The following SCCPDH variants were observed in gnomAD, a reference collection of about 807,000 sequenced individuals.
SCCPDH encodes saccharopine dehydrogenase-like oxidoreductase.
SCCPDH carries 34 observed loss-of-function variants against 51.5 expected under a neutral mutation model. The observed-to-expected ratio is 0.66, with a 90% confidence interval of 0.50 to 0.88. The LOEUF (loss-of-function observed/expected upper bound fraction) is 0.88, where lower values mean the gene tolerates loss of function less well. Ranked by LOEUF, SCCPDH falls within the 40% of genes least tolerant of loss-of-function variation. SCCPDH has a pLI of 0.00. For missense variants in SCCPDH, 464 were observed against 527.1 expected, an observed-to-expected ratio of 0.88 and a Z score of 1.17; for synonymous variants, 187 against 191.3, an observed-to-expected ratio of 0.98 and a Z score of 0.19.
intron 7 of SCCPDH, 31 bp downstream of exon 7, chr1:246,759,182 G>A: frequency 8.6e-7 from 1 of 1,166,228 alleles, no homozygotes; most frequent in Non-Finnish European, 1.3e-6. Flanking sequence ...TATCAATAAA[G>A]TGTGTGTTAC....
intron 3 of SCCPDH, among the ~76,000 whole-genome samples, chr1:246,738,937 C>G (rs996820024): frequency 6.6e-6 from 1 of 152,178 alleles, no homozygotes; most frequent in South Asian, 2.1e-4. Context: ...TGTAGCTTCT[C>G]CACATTTATG....
chr1:246,742,799 G>A lies in SCCPDH; in HGVS notation c.515-1277G>A, dbSNP rs561890804. 7.9e-5 allele frequency among the ~76,000 whole-genome samples: 12 copies of A among 152,160 alleles called. No homozygotes were observed. In the East Asian group the frequency reaches 2.1e-3, roughly 27 times the overall value. On this transcript the variant is annotated intron_variant, in intron 4 of 11. Coordinates refer to ENST00000366510, the MANE Select transcript of SCCPDH (RefSeq NM_016002.3). Reference sequence around the variant, plus strand: ...TTCATTTATCAGATTTTGAGAATTAGCCAGCCCATTATATTTTTCTTTTGC... The same window carrying A: ...TTCATTTATCAGATTTTGAGAATTAACCAGCCCATTATATTTTTCTTTTGC...
At chr1:246,760,470 G>A (rs1668996004) in intron 9 of SCCPDH, among the ~76,000 whole-genome samples, 1 of 152,112 alleles carries the variant, frequency 6.6e-6, no homozygotes, top group Non-Finnish European at 1.5e-5. Context: ...GGTAGTACAT[G>A]GCCCAGCTGG....
At chr1:246,761,047 CCTT>C (rs1156932690) in intron 9 of SCCPDH, among the ~76,000 whole-genome samples, 1 of 152,114 alleles carries the variant, frequency 6.6e-6, no homozygotes, top group African/African-American at 2.4e-5. Flanking sequence ...CCCATCCTGA[CCTT>C]CTTTCCTCCT....
intron 2 of SCCPDH, among the ~76,000 whole-genome samples, chr1:246,735,368 C>T (rs1429292012): frequency 6.6e-6 from 1 of 152,092 alleles, no homozygotes; most frequent in Non-Finnish European, 1.5e-5. Flanking sequence ...TTTCTTTTTC[C>T]TGGAAAATTT....
intron 2 of SCCPDH, 62 bp downstream of exon 2, chr1:246,727,066 C>A: frequency 7.9e-7 from 1 of 1,264,642 alleles, no homozygotes; most frequent in Non-Finnish European, 1.2e-6. Context: ...GCAAAATATT[C>A]CAGAGGAACA....
At chr1:246,740,440 T>G (rs1244693440) in intron 4 of SCCPDH, 139 bp downstream of exon 4, 5 of 622,438 alleles carry the variant, frequency 8.0e-6, no homozygotes, top group African/African-American at 1.8e-5. Context: ...ATGTTTTGTT[T>G]TTAATATAGC....
At chr1:246,728,040 A>AGAG (rs1553272197) in intron 2 of SCCPDH, among the ~76,000 whole-genome samples, 54,256 of 151,884 alleles carry the variant, frequency 0.36, 9,961 homozygotes, top group Middle Eastern at 0.43. Context: ...CTGGGGTCGT[A>AGAG]GTGGTGCTGA....
intron 10 of SCCPDH, 127 bp from the exon 11 acceptor site, chr1:246,765,931 C>T (rs1669081457): frequency 1.6e-6 from 1 of 643,862 alleles, no homozygotes; most frequent in Non-Finnish European, 2.8e-6. Flanking sequence ...GTTAAGTGAC[C>T]AGAGTATCTA....
At chr1:246,762,222 A>G (rs1669026709) in intron 9 of SCCPDH, among the ~76,000 whole-genome samples, 1 of 152,252 alleles carries the variant, frequency 6.6e-6, no homozygotes, top group Admixed American at 6.5e-5. Context: ...ATTCATATCC[A>G]GAAAATATAG....
Position 246,744,071 on chromosome 1 carries a change from T to C in SCCPDH, c.515-5T>C. The C allele has an allele frequency of 6.3e-7, 1 of 1,577,582 alleles. No homozygotes were observed. The highest frequency in any genetic ancestry group is 8.7e-7 in the Non-Finnish European group (1 of 1,151,526). On this transcript the variant is annotated splice_polypyrimidine_tract_variant and splice_region_variant and intron_variant, in intron 4 of 11. Coordinates refer to ENST00000366510, the MANE Select transcript of SCCPDH (RefSeq NM_016002.3). ...TTGCTTTTTACCATTCTCCTACTCT[T>C]TTAGGTACTTTGACTGCTGTGGAAA...
At chr1:246,727,029 TCAGAA>T (rs766899619) in intron 2 of SCCPDH, 25 bp downstream of exon 2, 3 of 1,444,480 alleles carry the variant, frequency 2.1e-6, no homozygotes, top group Non-Finnish European at 2.9e-6. Context: ...CTTCTTTGTA[TCAGAA>T]CAAACAATCC....
chr1:246,752,861 G>A (rs1558172475), intron 5 of SCCPDH, among the ~76,000 whole-genome samples: 1 of 152,066 alleles, frequency 6.6e-6, no homozygotes, highest in African/African-American at 2.4e-5. Context: ...TTTTATATAT[G>A]ACTTTTGTTC....
intron 5 of SCCPDH, among the ~76,000 whole-genome samples, chr1:246,744,766 C>T (rs572889153): frequency 1.3e-4 from 19 of 151,832 alleles, no homozygotes; most frequent in Admixed American, 3.3e-4. Flanking sequence ...AGGCATGTGC[C>T]GCCACACCTG....
intron 5 of SCCPDH, among the ~76,000 whole-genome samples, chr1:246,747,893 C>T (rs1265052067): frequency 2.0e-5 from 3 of 152,038 alleles, no homozygotes; most frequent in Non-Finnish European, 2.9e-5. Flanking sequence ...ACGTAAAGAA[C>T]GAGGATGTTA....
chr1:246,726,079 G>A (rs577917320), intron 1 of SCCPDH, among the ~76,000 whole-genome samples: 2 of 151,946 alleles, frequency 1.3e-5, no homozygotes, highest in South Asian at 2.1e-4. Context: ...GGATGGTCTC[G>A]ATCTGCTGAC....
intron 5 of SCCPDH, among the ~76,000 whole-genome samples, chr1:246,754,022 C>T (rs191586548): frequency 3.3e-5 from 5 of 152,148 alleles, no homozygotes; most frequent in Admixed American, 3.3e-4. Context: ...CCCTGTCTTG[C>T]TTGGGGTATT....
chr1:246,766,237 C>A, intron 11 of SCCPDH, 98 bp downstream of exon 11: 1 of 829,584 alleles, frequency 1.2e-6, no homozygotes, highest in Non-Finnish European at 2.0e-6. Context: ...TGCATGTAAG[C>A]ATTTATAGTT....
chr1:246,759,917 T>C, intron 7 of SCCPDH, 40 bp from the exon 8 acceptor site: 3 of 1,585,402 alleles, frequency 1.9e-6, no homozygotes, highest in Non-Finnish European at 2.6e-6. Context: ...GTCCAAAATG[T>C]AGGGAGTAAT....
Sources: allele counts gnomAD v4.1 joint callset (sites outside exome capture counted in the v4.1 genomes callset), GRCh38; gene constraint gnomAD v4.1.1; transcripts MANE v1.5; gene names NCBI Gene and HGNC (gene_info 2026-07-23, HGNC 2026-07-21).